GLS: variants seen among roughly 807,000 people sequenced by gnomAD.
GLS encodes glutaminase, also known as glutaminase kidney isoform, mitochondrial.
GLS carries 36 observed loss-of-function variants against 86.7 expected under a neutral mutation model. That is an observed-to-expected ratio of 0.42 (90% CI 0.32 to 0.55). The LOEUF (loss-of-function observed/expected upper bound fraction) is 0.55. Ranked by LOEUF, GLS falls within the 20% of genes least tolerant of loss-of-function variation. The pLI is 0.17. For missense variants in GLS, 528 were observed against 833.4 expected, an observed-to-expected ratio of 0.63 and a Z score of 4.51; for synonymous variants, 317 against 305.9, an observed-to-expected ratio of 1.04 and a Z score of -0.38.
At chr2:190,916,270 A>G (rs996043160) in intron 7 of GLS, among the ~76,000 whole-genome samples, 5 of 152,350 alleles carry the variant, frequency 3.3e-5, no homozygotes, top group Admixed American at 1.3e-4. Flanking sequence ...CATACAAAAT[A>G]CACGAGTATG....
chr2:190,911,679 A>C (rs777084338), intron 7 of GLS, among the ~76,000 whole-genome samples: 74 of 152,074 alleles, frequency 4.9e-4, no homozygotes, highest in Non-Finnish European at 7.7e-4. Flanking sequence ...AATTGCTTAG[A>C]TTTGAACAAG....
chr2:190,927,953 CTT>C (rs1048903608), intron 12 of GLS, among the ~76,000 whole-genome samples: 38 of 152,014 alleles, frequency 2.5e-4, no homozygotes, highest in Admixed American at 2.5e-3. Context: ...AGTATATAGA[CTT>C]TTTTTATTTC....
At chr2:190,900,070 CAA>C (rs996950939) in intron 3 of GLS, among the ~76,000 whole-genome samples, 1 of 151,946 alleles carries the variant, frequency 6.6e-6, no homozygotes, top group African/African-American at 2.4e-5. Context: ...TCTGACTAAA[CAA>C]AGTTGATATA....
At position 190,956,283 on chromosome 2, in the gene GLS, T is replaced by C. The variant is rs562210444; in HGVS notation, c.1853+1465T>C. 2.0e-5 allele frequency among the ~76,000 whole-genome samples: 3 copies of C among 152,328 alleles called. No individual in the cohort carries two copies. Among genetic ancestry groups the C allele is most frequent in the African/African-American group, 7.2e-5 (3 of 41,576 alleles). On this transcript the variant is annotated intron_variant, in intron 17 of 17. Transcript: ENST00000320717. This position sits in a 1 kb window ranked among gnomAD's most constrained non-coding sequence, Gnocchi z 4.2. ...TTATGTTTAAGTCTTTAATCCATCT[T>C]GAGTTAATTTTTGTATAAGGTGAAA... is the stretch of plus-strand genomic sequence containing the variant.
intron 17 of GLS, among the ~76,000 whole-genome samples, chr2:190,957,183 C>T (rs1690880408): frequency 6.6e-6 from 1 of 152,172 alleles, no homozygotes; most frequent in Admixed American, 6.5e-5. Context: ...CTCTGTCTCC[C>T]AGGCTCAAGC....
rs1689083960 is a variant in GLS at position 190,905,004 on chromosome 2, G to A, written c.816G>A (p.Arg272=). Residue 272 remains arginine (R), a splice_region_variant and synonymous_variant, in exon 6 of 18, where the codon AGG becomes AGA. Transcript: ENST00000320717. The surrounding 1 kb of genome is among the most constrained non-coding windows in gnomAD (Gnocchi z 4.6). ...TTTTTAAAAATCTCCTTTTAAATAG[G>A]CATTCTACTGGAGATACCAAAGTTC... ...GVSVCTVDGQ[R]HSTGDTKVPF... is the part of the protein sequence containing the mutation. The A allele has an allele frequency of 6.5e-7, 1 of 1,541,322 alleles. No individual in the cohort carries two copies. The highest frequency in any genetic ancestry group is 1.4e-5 in the African/African-American group (1 of 73,222).
Position 190,930,701 on chromosome 2 carries a change from G to A in GLS, c.1557+133G>A, listed in dbSNP as rs551482999. On this transcript the variant is annotated intron_variant, in intron 13 of 17. Coordinates refer to ENST00000320717, the MANE Select transcript of GLS (RefSeq NM_014905.5). This position sits in a 1 kb window ranked among gnomAD's most constrained non-coding sequence, Gnocchi z 5.0. ...ATAGTGTGCCAGTTACTAGGGAGCC[G>A]TGGAAATACTCCCAGAGGAGCTTCA... 9.0e-5 allele frequency: 62 copies of A among 692,522 alleles called. No individual in the cohort carries two copies. Among genetic ancestry groups the A allele is most frequent in the African/African-American group, 8.4e-4 (45 of 53,800 alleles). 42.9% of individuals were successfully genotyped at this position (692,522 alleles called of 1,614,324 possible).
rs765887879 is a variant in GLS at position 190,905,217 on chromosome 2, A to G, written c.979+50A>G. 2.6e-5 allele frequency: 29 copies of G among 1,126,264 alleles called. No individual in the cohort carries two copies. The highest frequency in any genetic ancestry group is 3.4e-5 in the Non-Finnish European group (26 of 769,252). The allele number at this position is 1,126,264 out of a possible 1,614,324, so 69.8% of individuals were successfully genotyped here. A position where few individuals can be genotyped will look rare whatever the true frequency, so the allele number is the denominator to read the frequency against. The stretch of plus-strand genomic sequence containing the variant: ...GAAAAAAGAAATGTCTCATTTTCCT[A>G]TGTAAATCTAAGTCGTTTTAAACAT... On this transcript the variant is annotated intron_variant, in intron 6 of 17. Coordinates refer to ENST00000320717, the MANE Select transcript of GLS (RefSeq NM_014905.5). The surrounding 1 kb of genome is among the most constrained non-coding windows in gnomAD (Gnocchi z 4.6).
In GLS at chr2:190,913,317, G is replaced by A; in HGVS notation, c.1038+2996G>A. The A allele has an allele frequency of 1.6e-6, 2 of 1,234,294 alleles. No homozygotes were observed. The highest frequency in any genetic ancestry group is 2.1e-6 in the Non-Finnish European group (2 of 957,498). The allele number at this position is 1,234,294 out of a possible 1,614,324, so 76.5% of individuals were successfully genotyped here. On this transcript the variant is annotated intron_variant, in intron 7 of 17. Transcript: ENST00000320717. The surrounding 1 kb of genome is among the most constrained non-coding windows in gnomAD (Gnocchi z 6.1). ...TGTTGCATAAATTCTTAACTACTAA[G>A]CTTATAGGAAAACTCCAATATTTAA...
At chr2:190,948,941 C>T (rs1266662068) in intron 14 of GLS, among the ~76,000 whole-genome samples, 2 of 152,020 alleles carry the variant, frequency 1.3e-5, no homozygotes, top group Non-Finnish European at 2.9e-5. Flanking sequence ...CACATGCTGT[C>T]ACAGGGCACT....
chr2:190,941,205 G>A (rs1165845030), intron 14 of GLS, among the ~76,000 whole-genome samples: 1 of 152,088 alleles, frequency 6.6e-6, no homozygotes, highest in Admixed American at 6.6e-5. Flanking sequence ...AGGGATACAG[G>A]TACTGAATAA....
Position 190,924,017 on chromosome 2 carries a change from C to A in GLS, c.1197+34C>A, listed in dbSNP as rs774013306. 5 of 1,036,264 alleles carry A rather than the reference C, an allele frequency of 4.8e-6. No individual in the cohort carries two copies. The South Asian group carries it at 5.5e-5, about 11-fold the overall frequency. 64.2% of individuals were successfully genotyped at this position (1,036,264 alleles called of 1,614,324 possible). A position where few individuals can be genotyped will look rare whatever the true frequency, so the allele number is the denominator to read the frequency against. On this transcript the variant is annotated intron_variant, in intron 10 of 17. Transcript: ENST00000320717. The surrounding 1 kb of genome is among the most constrained non-coding windows in gnomAD (Gnocchi z 5.2). ...ATTTTTGTTTCTATTTCAAATTATTCTTTCATTTAATAAAATACATGAAGA... is the reference window on the plus strand; with the variant it reads ...ATTTTTGTTTCTATTTCAAATTATTATTTCATTTAATAAAATACATGAAGA...
chr2:190,927,495 T>TA lies in GLS; in HGVS notation c.1425+13_1425+14insA. The TA allele has an allele frequency of 6.3e-7, 1 of 1,575,828 alleles. No individual in the cohort carries two copies. The highest frequency in any genetic ancestry group is 2.3e-5 in the East Asian group (1 of 43,992). ...GTTTGCTTTCCATGTAAGTAATTGTTTAATCTTATTTTCTCTGGCAAGAAA... is the reference window on the plus strand; with the variant it reads ...GTTTGCTTTCCATGTAAGTAATTGTTATAATCTTATTTTCTCTGGCAAGAAA... On this transcript the variant is annotated intron_variant, in intron 12 of 17. Transcript: ENST00000320717.
intron 14 of GLS, among the ~76,000 whole-genome samples, chr2:190,946,934 AC>A (rs1690589475): frequency 6.6e-6 from 1 of 152,134 alleles, no homozygotes; most frequent in African/African-American, 2.4e-5. Context: ...ATGCTGTGTG[AC>A]CTTGAGCCAG....
intron 1 of GLS, among the ~76,000 whole-genome samples, chr2:190,889,894 C>T (rs1688506744): frequency 6.6e-6 from 1 of 152,254 alleles, no homozygotes; most frequent in South Asian, 2.1e-4. Context: ...CTCATCTTTG[C>T]TTTGACAGGA....
rs1455293118 is a variant in GLS, at chr2:190,895,259, A to G, written c.483+11A>G. 1 of 1,020,180 alleles carries G rather than the reference A, an allele frequency of 9.8e-7. No individual in the cohort carries two copies. The highest frequency in any genetic ancestry group is 1.8e-5 in the Admixed American group (1 of 56,966). 63.2% of individuals were successfully genotyped at this position (1,020,180 alleles called of 1,614,324 possible). ...CATAAATTTATTACAGTAAGTTTTT[A>G]TATTTTTCTATCTTAACTTAAAAAA... is the stretch of plus-strand genomic sequence containing the variant. On this transcript the variant is annotated intron_variant, in intron 2 of 17. Coordinates refer to ENST00000320717, the MANE Select transcript of GLS (RefSeq NM_014905.5). This position sits in a 1 kb window ranked among gnomAD's most constrained non-coding sequence, Gnocchi z 4.2.
At chr2:190,928,318 A>G (rs1328588791) in intron 12 of GLS, among the ~76,000 whole-genome samples, 1 of 151,552 alleles carries the variant, frequency 6.6e-6, no homozygotes, top group Non-Finnish European at 1.5e-5. Context: ...TTCCTGGATT[A>G]TCTTGTAAAT....
rs191220144 is a variant in GLS at position 190,962,511 on chromosome 2, C to G, written c.1854-319C>G. On this transcript the variant is annotated intron_variant, in intron 17 of 17. Transcript: ENST00000320717. The surrounding 1 kb of genome is among the most constrained non-coding windows in gnomAD (Gnocchi z 4.2). ...TTGGGCTTTTCATGAAACTAAAATT[C>G]TGGAACCCTAGAGCAGTCTATTATA... 1.3e-5 allele frequency among the ~76,000 whole-genome samples: 2 copies of G among 152,278 alleles called. No individual in the cohort carries two copies. The highest frequency in any genetic ancestry group is 3.9e-4 in the East Asian group (2 of 5,186).
At chr2:190,893,531 T>C (rs1688632005) in intron 1 of GLS, among the ~76,000 whole-genome samples, 1 of 152,172 alleles carries the variant, frequency 6.6e-6, no homozygotes, top group Admixed American at 6.5e-5. Context: ...CTTAGCACAG[T>C]GTGTAGAATA....
Sources: allele counts gnomAD v4.1 joint callset (sites outside exome capture counted in the v4.1 genomes callset), GRCh38; gene constraint gnomAD v4.1.1; non-coding constraint Gnocchi (gnomAD v3.1); transcripts MANE v1.5; gene names NCBI Gene and HGNC (gene_info 2026-07-23, HGNC 2026-07-21).